Variants in HS6ST3 observed in about 807,000 individuals in gnomAD.
The protein encoded by HS6ST3 is heparan-sulfate 6-O-sulfotransferase 3.
HS6ST3 carries 12 observed loss-of-function variants against 36.7 expected under a neutral mutation model. That is an observed-to-expected ratio of 0.33 (90% CI 0.21 to 0.53). HS6ST3 has a LOEUF of 0.53. Among genes scored for constraint, HS6ST3 ranks in the 20% least tolerant of loss-of-function variants. HS6ST3 has a pLI of 0.95. For missense variants in HS6ST3, 584 were observed against 640.9 expected (o/e 0.91, Z 0.96); for synonymous variants, 240 against 257.5 (o/e 0.93, Z 0.65).
At chr13:96,198,862 T>G (rs758329200) in intron 1 of HS6ST3, among the ~76,000 whole-genome samples, 1 of 152,230 alleles carries the variant, frequency 6.6e-6, no homozygotes, top group Admixed American at 6.5e-5. Flanking sequence ...TGCTTCCACA[T>G]TTTTGGATGT....
chr13:96,090,678 G>C lies in HS6ST3; in HGVS notation c.-185G>C, dbSNP rs1383574408. Among the ~76,000 whole-genome samples the C allele has an allele frequency of 6.8e-6, 1 of 147,604 alleles. No individual in the cohort carries two copies. The highest frequency in any genetic ancestry group is 2.4e-5 in the African/African-American group (1 of 40,878). ...CCCGCCTCCCCCGCCCGGCTCGCAG[G>C]CCCCGGCTCCTCAAGCCCCGAGGGC... On this transcript the variant is annotated 5_prime_UTR_variant, in exon 1 of 2. Transcript: ENST00000376705.
At chr13:96,483,787 T>C (rs2055900899) in intron 1 of HS6ST3, among the ~76,000 whole-genome samples, 1 of 152,154 alleles carries the variant, frequency 6.6e-6, no homozygotes, top group Admixed American at 6.5e-5. Context: ...TCATTATGGT[T>C]AGTGTTCAGA....
intron 1 of HS6ST3, among the ~76,000 whole-genome samples, chr13:96,166,682 G>A (rs11616575): frequency 0.026 from 3,870 of 151,386 alleles, 60 homozygotes; most frequent in South Asian, 0.054. Flanking sequence ...AAAGTGCTGG[G>A]ATTATAGGCG....
At chr13:96,661,864 G>C (rs923763129) in intron 1 of HS6ST3, among the ~76,000 whole-genome samples, 2 of 152,110 alleles carry the variant, frequency 1.3e-5, no homozygotes, top group South Asian at 2.1e-4. Flanking sequence ...GCTTAGTTTA[G>C]CAGGATACAA....
chr13:96,700,101 G>A (rs892402546), intron 1 of HS6ST3, among the ~76,000 whole-genome samples: 1 of 152,216 alleles, frequency 6.6e-6, no homozygotes. Context: ...CAGCTCTCCT[G>A]TATTAGTCCA....
At chr13:96,828,476 C>T (rs1203981303) in intron 1 of HS6ST3, among the ~76,000 whole-genome samples, 1 of 151,634 alleles carries the variant, frequency 6.6e-6, no homozygotes, top group Non-Finnish European at 1.5e-5. Flanking sequence ...TGAGTTTTTC[C>T]TACAAAATAG....
chr13:96,557,233 T>C (rs2056244553), intron 1 of HS6ST3, among the ~76,000 whole-genome samples: 1 of 152,160 alleles, frequency 6.6e-6, no homozygotes, highest in African/African-American at 2.4e-5. Context: ...TTTTCATAGA[T>C]GAAGGTGTAC....
intron 1 of HS6ST3, among the ~76,000 whole-genome samples, chr13:96,218,470 T>C (rs1461647184): frequency 1.3e-5 from 2 of 152,198 alleles, no homozygotes; most frequent in African/African-American, 2.4e-5. Context: ...CGAATGGCTG[T>C]GTGCGCTAAT....
At chr13:96,371,069 C>T (rs1225951565) in intron 1 of HS6ST3, among the ~76,000 whole-genome samples, 1 of 152,086 alleles carries the variant, frequency 6.6e-6, no homozygotes, top group Non-Finnish European at 1.5e-5. Flanking sequence ...GTCATTAATG[C>T]TGTGTAGCAT....
Position 96,553,013 on chromosome 13 carries a change from G to A in HS6ST3, c.708-279477G>A, listed in dbSNP as rs550281156. 7.9e-5 allele frequency among the ~76,000 whole-genome samples: 12 copies of A among 152,170 alleles called. No individual in the cohort carries two copies. The South Asian group carries it at 2.1e-3, about 26-fold the overall frequency. ...CCTGCAGGGAGAGGAGTGAGGTAGG[G>A]GCAAAGAAAGGACACACCTGTTCCT... is the stretch of plus-strand genomic sequence containing the variant. On this transcript the variant is annotated intron_variant, in intron 1 of 1. Transcript: ENST00000376705.
intron 1 of HS6ST3, among the ~76,000 whole-genome samples, chr13:96,357,802 G>A (rs573511823): frequency 7.9e-5 from 12 of 152,274 alleles, no homozygotes; most frequent in Non-Finnish European, 1.6e-4. Flanking sequence ...GATTACAGAC[G>A]TGAGCCATTG....
At chr13:96,516,148 G>T (rs2056071837) in intron 1 of HS6ST3, among the ~76,000 whole-genome samples, 1 of 150,672 alleles carries the variant, frequency 6.6e-6, no homozygotes, top group Non-Finnish European at 1.5e-5. Context: ...TGCAACCTCT[G>T]CCTCCTTGGT....
intron 1 of HS6ST3, among the ~76,000 whole-genome samples, chr13:96,194,196 A>G (rs2054301510): frequency 6.6e-6 from 1 of 152,136 alleles, no homozygotes; most frequent in Non-Finnish European, 1.5e-5. Context: ...TATATACAAT[A>G]TTGGGAAACC....
intron 1 of HS6ST3, among the ~76,000 whole-genome samples, chr13:96,651,045 A>G (rs926303842): frequency 6.6e-6 from 1 of 151,970 alleles, no homozygotes; most frequent in Admixed American, 6.6e-5. Flanking sequence ...AAATCCTTTA[A>G]TACCTCCCTA....
At chr13:96,762,742 G>A (rs547760233) in intron 1 of HS6ST3, among the ~76,000 whole-genome samples, 2 of 152,260 alleles carry the variant, frequency 1.3e-5, no homozygotes, top group South Asian at 2.1e-4. Context: ...GGAGAATAAG[G>A]TATATTTATT....
At chr13:96,170,845 A>T (rs1046528125) in intron 1 of HS6ST3, among the ~76,000 whole-genome samples, 11 of 152,242 alleles carry the variant, frequency 7.2e-5, no homozygotes, top group African/African-American at 2.7e-4. Context: ...GTAGCACAGA[A>T]ACGTGGTGGA....
At chr13:96,704,742 AG>A (rs1468796187) in intron 1 of HS6ST3, among the ~76,000 whole-genome samples, 1 of 152,116 alleles carries the variant, frequency 6.6e-6, no homozygotes, top group African/African-American at 2.4e-5. Flanking sequence ...AGACTGACTC[AG>A]AGGACTGCAA....
Position 96,090,421 on chromosome 13 carries a change from C to T in HS6ST3, c.-442C>T, listed in dbSNP as rs1176484076. 3.4e-5 allele frequency among the ~76,000 whole-genome samples: 5 copies of T among 146,314 alleles called. No individual in the cohort carries two copies. The highest frequency in any genetic ancestry group is 1.4e-4 in the Admixed American group (2 of 14,738). On this transcript the variant is annotated 5_prime_UTR_variant, in exon 1 of 2. Transcript: ENST00000376705. ...CGCCCTTGGCCGGCGCCCTGGCGAG[C>T]CTCATGCAGCCCCGGCGCTCGCGGC...
intron 1 of HS6ST3, among the ~76,000 whole-genome samples, chr13:96,313,887 C>T (rs1449908512): frequency 1.3e-5 from 2 of 152,114 alleles, no homozygotes; most frequent in Non-Finnish European, 2.9e-5. Context: ...TTGACCACTG[C>T]ACACTGAGCA....
Sources: allele counts gnomAD v4.1 joint callset (sites outside exome capture counted in the v4.1 genomes callset), GRCh38; gene constraint gnomAD v4.1.1; transcripts MANE v1.5; gene names NCBI Gene and HGNC (gene_info 2026-07-23, HGNC 2026-07-21).